BBS9: variants seen among roughly 807,000 people sequenced by gnomAD.
BBS9 encodes Bardet-Biedl syndrome 9.
Under a neutral mutation model 117.7 loss-of-function variants are expected in BBS9, and 89 were observed. The ratio of observed to expected loss-of-function variants is 0.76; its 90% CI spans 0.64 to 0.90. The LOEUF is 0.90. Among genes scored for constraint, BBS9 ranks in the 40% least tolerant of loss-of-function variants. The pLI is 0.00. For synonymous variants in BBS9, 379 were observed against 370.9 expected (o/e 1.02, Z -0.25); for missense variants, 982 against 1,042.2 (o/e 0.94, Z 0.80).
intron 10 of BBS9, among the ~76,000 whole-genome samples, chr7:33,338,821 T>C (rs535290913): frequency 6.6e-6 from 1 of 152,324 alleles, no homozygotes; most frequent in Admixed American, 6.5e-5. Context: ...CAGAATTTTA[T>C]TTATGATTTA....
At chr7:33,571,035 A>G (rs1022912151) in intron 21 of BBS9, among the ~76,000 whole-genome samples, 1 of 152,216 alleles carries the variant, frequency 6.6e-6, no homozygotes, top group Non-Finnish European at 1.5e-5. Flanking sequence ...CTGTCAGCTA[A>G]CTAGCTAACG....
At chr7:33,527,419 C>G (rs1363821754) in intron 20 of BBS9, among the ~76,000 whole-genome samples, 2 of 152,190 alleles carry the variant, frequency 1.3e-5, no homozygotes, top group Non-Finnish European at 2.9e-5. Flanking sequence ...GCGTAGGACC[C>G]TCCGAGCCAG....
At chr7:33,358,697 G>C (rs1367944417) in intron 16 of BBS9, among the ~76,000 whole-genome samples, 1 of 151,824 alleles carries the variant, frequency 6.6e-6, no homozygotes, top group Non-Finnish European at 1.5e-5. Flanking sequence ...TTTCTTGATG[G>C]TGGGGTAGAA....
intron 9 of BBS9, among the ~76,000 whole-genome samples, chr7:33,323,637 T>C (rs1160939576): frequency 6.6e-6 from 1 of 152,100 alleles, no homozygotes; most frequent in African/African-American, 2.4e-5. Flanking sequence ...TCTTTATATG[T>C]GAAGTGTGTT....
At chr7:33,548,412 A>G (rs1045295058) in intron 21 of BBS9, among the ~76,000 whole-genome samples, 2 of 151,758 alleles carry the variant, frequency 1.3e-5, no homozygotes, top group Non-Finnish European at 2.9e-5. Context: ...TTAGTTACAT[A>G]TGTATACATG....
At chr7:33,461,272 T>G (rs892463434) in intron 19 of BBS9, among the ~76,000 whole-genome samples, 4 of 152,010 alleles carry the variant, frequency 2.6e-5, no homozygotes, top group Non-Finnish European at 5.9e-5. Context: ...GATCATATGG[T>G]AATTCTATGT....
intron 1 of BBS9, among the ~76,000 whole-genome samples, chr7:33,137,183 C>T (rs1241247277): frequency 6.6e-6 from 1 of 152,110 alleles, no homozygotes; most frequent in Non-Finnish European, 1.5e-5. Context: ...CTGCCCTGAG[C>T]GCACACACAC....
chr7:33,429,490 CATACCACATTTAAGTG>C (rs1395643957), intron 19 of BBS9, among the ~76,000 whole-genome samples: 2 of 152,166 alleles, frequency 1.3e-5, no homozygotes, highest in Non-Finnish European at 2.9e-5. Context: ...GCTTTGCCAA[CATACCACATTTAAGTG>C]TGGTGATGTT....
chr7:33,294,944 T>G (rs537298039), intron 9 of BBS9, among the ~76,000 whole-genome samples: 107 of 152,328 alleles, frequency 7.0e-4, no homozygotes, highest in African/African-American at 2.5e-3. Flanking sequence ...GTAAACTTGC[T>G]CTAGTTGGAA....
chr7:33,405,882 G>T (rs967320922), intron 19 of BBS9, among the ~76,000 whole-genome samples: 60 of 152,134 alleles, frequency 3.9e-4, no homozygotes, highest in South Asian at 1.7e-3. Flanking sequence ...CTTGCCTTCT[G>T]CTAGCTTTTG....
chr7:33,342,592 C>T (rs1241607258), intron 11 of BBS9, among the ~76,000 whole-genome samples: 3 of 152,092 alleles, frequency 2.0e-5, no homozygotes, highest in Non-Finnish European at 4.4e-5. Context: ...GTGTCTCTTT[C>T]CAGCTTCATT....
chr7:33,628,091 T>G (rs1865726345), intron 21 of BBS9, among the ~76,000 whole-genome samples: 1 of 152,154 alleles, frequency 6.6e-6, no homozygotes, highest in Admixed American at 6.5e-5. Flanking sequence ...TGTCAAAGAT[T>G]TAATGAAGAC....
At chr7:33,460,821 C>A (rs144566443) in intron 19 of BBS9, among the ~76,000 whole-genome samples, 1 of 152,100 alleles carries the variant, frequency 6.6e-6, no homozygotes, top group East Asian at 1.9e-4. Flanking sequence ...GATCTCTACA[C>A]CTATCTAGTT....
chr7:33,588,468 T>C (rs981311378), intron 21 of BBS9, among the ~76,000 whole-genome samples: 3 of 152,126 alleles, frequency 2.0e-5, no homozygotes, highest in Non-Finnish European at 4.4e-5. Context: ...CTAAATATCG[T>C]GTGCCTGTTG....
chr7:33,575,534 G>A (rs1180386253), intron 21 of BBS9, among the ~76,000 whole-genome samples: 1 of 152,090 alleles, frequency 6.6e-6, no homozygotes, highest in East Asian at 1.9e-4. Context: ...TAGAAAAAGA[G>A]GGAATCCTCC....
chr7:33,556,994 G>C (rs965894925), intron 21 of BBS9, among the ~76,000 whole-genome samples: 8 of 152,126 alleles, frequency 5.3e-5, no homozygotes, highest in African/African-American at 1.4e-4. Flanking sequence ...TGGCTCATCA[G>C]TTATTCAGCA....
At chr7:33,367,126 A>C (rs781380029) in intron 16 of BBS9, among the ~76,000 whole-genome samples, 2 of 152,102 alleles carry the variant, frequency 1.3e-5, no homozygotes, top group Non-Finnish European at 2.9e-5. Flanking sequence ...TACAGAGAGA[A>C]CCTTTCCTTT....
chr7:33,577,834 C>T (rs10265444), intron 21 of BBS9, among the ~76,000 whole-genome samples: 53,907 of 151,976 alleles, frequency 0.35, 13,830 homozygotes, highest in African/African-American at 0.72. Flanking sequence ...TTCTCACTCA[C>T]AGGTGAGAAT....
At chr7:33,579,780 T>C (rs755106202) in intron 21 of BBS9, among the ~76,000 whole-genome samples, 13 of 152,186 alleles carry the variant, frequency 8.5e-5, no homozygotes, top group Admixed American at 2.0e-4. Context: ...ACTCTAAGTC[T>C]AAGGCAAATG....
Sources: allele counts gnomAD v4.1 joint callset (sites outside exome capture counted in the v4.1 genomes callset), GRCh38; gene constraint gnomAD v4.1.1; transcripts MANE v1.5; gene names NCBI Gene and HGNC (gene_info 2026-07-23, HGNC 2026-07-21).